Variants in RTKN2 observed in about 807,000 individuals in gnomAD.
RTKN2 encodes rhotekin-2.
A neutral mutation model predicts 71.5 loss-of-function variants in RTKN2; 69 were observed. The ratio of observed to expected loss-of-function variants is 0.96; its 90% CI spans 0.79 to 1.18. The LOEUF (loss-of-function observed/expected upper bound fraction) is 1.18. RTKN2 is among the 50% of genes most tolerant of loss of function. The pLI, the probability that RTKN2 is intolerant of heterozygous loss-of-function variation, is 0.00. For synonymous variants in RTKN2, 236 were observed against 236.5 expected (o/e 1.00, Z 0.02); for missense variants, 724 against 719.7 (o/e 1.01, Z -0.07).
In RTKN2 at chr10:62,197,983, C is replaced by T; in HGVS notation, c.1755G>A (p.Lys585=). 1.2e-6 allele frequency: 2 copies of T among 1,614,012 alleles called. No individual in the cohort carries two copies. The highest frequency in any genetic ancestry group is 1.7e-6 in the Non-Finnish European group (2 of 1,179,934). The change falls in exon 12 of 12, where the codon AAG becomes AAA. Residue 585 remains lysine, a synonymous_variant. Coordinates refer to ENST00000373789, the MANE Select transcript of RTKN2 (RefSeq NM_145307.4). ...ATTTCTGCCTTGGAGCTGGCACTGG[C>T]TTGGCTTCAAAATTGGTTTTAGTGT... ...HTDTKTNFEA[K]PVPAPRQKSI... is the part of the protein sequence containing the mutation.
In RTKN2 at chr10:62,197,380, T is replaced by C. The variant is rs1472967725; in HGVS notation, c.*528A>G. The stretch of plus-strand genomic sequence containing the variant: ...TCCCAGGAATTTAAAAGGTCAGGCC[T>C]ATAAACTAGTGAGTTAAACAATAGA... On this transcript the variant is annotated 3_prime_UTR_variant, in exon 12 of 12. Transcript: ENST00000373789. The C allele has an allele frequency of 2.0e-6, 2 of 985,720 alleles. No individual in the cohort carries two copies. The highest frequency in any genetic ancestry group is 2.4e-6 in the Non-Finnish European group (2 of 829,902). The allele number at this position is 985,720 out of a possible 1,614,324, so 61.1% of individuals were successfully genotyped here.
intron 6 of RTKN2, among the ~76,000 whole-genome samples, chr10:62,231,223 A>C (rs1258603894): frequency 6.6e-6 from 1 of 152,234 alleles, no homozygotes; most frequent in Non-Finnish European, 1.5e-5. Context: ...CAGTTTTCAC[A>C]CGATGATTGC....
In RTKN2 at chr10:62,217,249, G is replaced by A; in HGVS notation, c.889C>T (p.Gln297Ter). The A allele has an allele frequency of 7.1e-7, 1 of 1,402,422 alleles. No individual in the cohort carries two copies. The highest frequency in any genetic ancestry group is 9.2e-7 in the Non-Finnish European group (1 of 1,086,772). 86.9% of individuals were successfully genotyped at this position (1,402,422 alleles called of 1,614,324 possible). A position where few individuals can be genotyped will look rare whatever the true frequency, so the allele number is the denominator to read the frequency against. The change falls in exon 9 of 12, where the codon CAA (glutamine) becomes TAA (stop). Residue 297 changes from glutamine to a stop codon, truncating the protein, a stop_gained and splice_region_variant. Transcript: ENST00000373789. LOFTEE classifies it high-confidence loss of function. ...CAACTAATCAGACCTTCTACCATTTGCTGAAAAAAAAAAAAAAAAAATCAA... is the reference window on the plus strand; with the variant it reads ...CAACTAATCAGACCTTCTACCATTTACTGAAAAAAAAAAAAAAAAAATCAA... ...DAFAGFLNQQ[Q>*]MVEGLISWRR...
At chr10:62,204,661 C>T (rs543127926) in intron 10 of RTKN2, among the ~76,000 whole-genome samples, 196 bp downstream of exon 10, 162 of 152,170 alleles carry the variant, frequency 1.1e-3, no homozygotes, top group African/African-American at 3.6e-3. Context: ...AGAATCCAAA[C>T]GTATACTATA....
At chr10:62,207,999 T>A (rs1042401849) in intron 9 of RTKN2, among the ~76,000 whole-genome samples, 4 of 152,158 alleles carry the variant, frequency 2.6e-5, no homozygotes, top group Non-Finnish European at 5.9e-5. Context: ...TGTGTAATTT[T>A]AATCTGTAGC....
At chr10:62,216,904 A>G (rs550695565) in intron 9 of RTKN2, among the ~76,000 whole-genome samples, 2 of 152,228 alleles carry the variant, frequency 1.3e-5, no homozygotes, top group Admixed American at 1.3e-4. Context: ...ACTGGTATAG[A>G]TGTCCATTAC....
At chr10:62,263,718 G>C (rs1485772409) in intron 1 of RTKN2, among the ~76,000 whole-genome samples, 3 of 152,176 alleles carry the variant, frequency 2.0e-5, no homozygotes, top group African/African-American at 7.2e-5. Flanking sequence ...AAGCAAGAGA[G>C]TGAAAGCGCT....
At chr10:62,234,571 A>G (rs1842217895) in intron 6 of RTKN2, among the ~76,000 whole-genome samples, 1 of 152,026 alleles carries the variant, frequency 6.6e-6, no homozygotes, top group African/African-American at 2.4e-5. Context: ...GATCACCTCC[A>G]TGATTGCTAG....
chr10:62,217,088 AT>A (rs1004136041), intron 9 of RTKN2, 29 bp downstream of exon 9: 2 of 1,528,086 alleles, frequency 1.3e-6, no homozygotes, highest in Admixed American at 2.2e-5. Context: ...TAAGATGTAT[AT>A]TTTTTTCTCA....
chr10:62,239,785 A>G lies in RTKN2; in HGVS notation c.371-20T>C. 8.6e-7 allele frequency: 1 copy of G among 1,157,854 alleles called. No individual in the cohort carries two copies. Among genetic ancestry groups the G allele is most frequent in the Non-Finnish European group, 1.3e-6 (1 of 777,684 alleles). 71.7% of individuals were successfully genotyped at this position (1,157,854 alleles called of 1,614,324 possible). On this transcript the variant is annotated intron_variant, in intron 4 of 11. Transcript: ENST00000373789. ...GTGATCCTGGAGGAAAAATAACAAC[A>G]TATTAAGCAACAATCCATGTAATAA...
At chr10:62,241,456 T>C (rs1281900067) in intron 3 of RTKN2, among the ~76,000 whole-genome samples, 1 of 152,216 alleles carries the variant, frequency 6.6e-6, no homozygotes, top group Non-Finnish European at 1.5e-5. Context: ...TCTTCCTTAC[T>C]GATTAATTAT....
At chr10:62,221,213 C>T (rs1325388706) in intron 7 of RTKN2, among the ~76,000 whole-genome samples, 2 of 151,378 alleles carry the variant, frequency 1.3e-5, no homozygotes, top group African/African-American at 2.4e-5. Flanking sequence ...AAAGTCCTTG[C>T]ATTGTCTGAG....
At chr10:62,232,315 C>CTT (rs56139482) in intron 6 of RTKN2, among the ~76,000 whole-genome samples, 3 of 117,192 alleles carry the variant, frequency 2.6e-5, no homozygotes, top group African/African-American at 6.0e-5. Flanking sequence ...TTCTTTCTTT[C>CTT]TTTTTTTTTT....
downstream of RTKN2, among the ~76,000 whole-genome samples, chr10:62,189,663 T>TA (rs1362861110): frequency 2.6e-5 from 4 of 152,032 alleles, no homozygotes; most frequent in Non-Finnish European, 1.5e-5. Context: ...CCATCTCTAC[T>TA]AAAAATACAA....
At chr10:62,251,252 T>C (rs1350291901) in intron 2 of RTKN2, among the ~76,000 whole-genome samples, 1 of 152,228 alleles carries the variant, frequency 6.6e-6, no homozygotes, top group South Asian at 2.1e-4. Flanking sequence ...CACATTTGCA[T>C]AGCTTTTATT....
intron 9 of RTKN2, among the ~76,000 whole-genome samples, chr10:62,205,481 T>C (rs541002825): frequency 6.6e-6 from 1 of 152,302 alleles, no homozygotes; most frequent in East Asian, 1.9e-4. Flanking sequence ...TCATGCATAA[T>C]ATCTAGTGCT....
chr10:62,228,774 G>C (rs1842086494), intron 6 of RTKN2, among the ~76,000 whole-genome samples: 1 of 152,130 alleles, frequency 6.6e-6, no homozygotes. Flanking sequence ...CACAAGAAAG[G>C]AAACAGCAAA....
rs984832749 is a variant in RTKN2 at position 62,195,321 on chromosome 10, C to T, written c.*2587G>A. 29 of 984,988 alleles carry T rather than the reference C, an allele frequency of 2.9e-5. No individual in the cohort carries two copies. Among genetic ancestry groups the T allele is most frequent in the Non-Finnish European group, 3.5e-5 (29 of 829,748 alleles). 61.0% of individuals were successfully genotyped at this position (984,988 alleles called of 1,614,324 possible). A position where few individuals can be genotyped will look rare whatever the true frequency, so the allele number is the denominator to read the frequency against. ...AGGACAAACAAGGAATGTGAAAGCT[C>T]ATAAAAAGCTGAAGCAGCTTTCATA... On this transcript the variant is annotated 3_prime_UTR_variant, in exon 12 of 12. Transcript: ENST00000373789.
intron 2 of RTKN2, among the ~76,000 whole-genome samples, chr10:62,260,527 C>T (rs369981375): frequency 9.3e-6 from 1 of 107,726 alleles, no homozygotes; most frequent in African/African-American, 3.2e-5. Flanking sequence ...GAATGATGAA[C>T]AAATATATGT....
Sources: allele counts gnomAD v4.1 joint callset (sites outside exome capture counted in the v4.1 genomes callset), GRCh38; gene constraint gnomAD v4.1.1; transcripts MANE v1.5; gene names NCBI Gene and HGNC (gene_info 2026-07-23, HGNC 2026-07-21).